Variants in CAMKMT observed in about 807,000 individuals in gnomAD.
CAMKMT encodes the protein CaM KMT.
A neutral mutation model predicts 48.0 loss-of-function variants in CAMKMT; 53 were observed. That is an observed-to-expected ratio of 1.10 (90% CI 0.89 to 1.39). The LOEUF is 1.39. CAMKMT is among the 40% of genes most tolerant of loss of function. CAMKMT has a pLI of 0.00. For missense variants in CAMKMT, 428 were observed against 402.7 expected (o/e 1.06, Z -0.54); for synonymous variants, 165 against 152.3 (o/e 1.08, Z -0.61).
intron 3 of CAMKMT, among the ~76,000 whole-genome samples, chr2:44,629,830 T>G (rs1027317632): frequency 3.4e-4 from 51 of 152,036 alleles, no homozygotes; most frequent in Non-Finnish European, 2.9e-4. Context: ...CCAAGGTAAT[T>G]TATAGATTCA....
At chr2:44,504,449 T>A (rs2603257) in intron 3 of CAMKMT, among the ~76,000 whole-genome samples, 107,942 of 151,490 alleles carry the variant, frequency 0.71, 38,593 homozygotes, top group Admixed American at 0.78. Flanking sequence ...TATGATTCCA[T>A]AAAAGTGAAT....
chr2:44,473,272 A>G (rs1668518366), intron 3 of CAMKMT, among the ~76,000 whole-genome samples: 2 of 152,250 alleles, frequency 1.3e-5, no homozygotes, highest in Non-Finnish European at 2.9e-5. Context: ...AAAAAATCAA[A>G]TAATTTATAA....
chr2:44,657,075 C>G lies in CAMKMT; in HGVS notation c.377-47208C>G, dbSNP rs1258290442. ...GTGTTTAACAGGTTGTTTCAGATAT[C>G]CTTCAGATATCTGAGGATACAGGCA... On this transcript the variant is annotated intron_variant, in intron 3 of 10. Transcript: ENST00000378494. The surrounding 1 kb of genome is among the most constrained non-coding windows in gnomAD (Gnocchi z 4.3). Among the ~76,000 whole-genome samples the G allele has an allele frequency of 6.6e-6, 1 of 152,164 alleles. No homozygotes were observed. The highest frequency in any genetic ancestry group is 2.4e-5 in the African/African-American group (1 of 41,434).
chr2:44,513,557 A>G (rs1045643878), intron 3 of CAMKMT, among the ~76,000 whole-genome samples: 2 of 152,162 alleles, frequency 1.3e-5, no homozygotes, highest in Non-Finnish European at 2.9e-5. Context: ...GAAACTTAAG[A>G]AAGATGTTTC....
rs575940502 is a variant in CAMKMT at position 44,457,538 on chromosome 2, A to G, written c.376+67233A>G. ...CTCAGCCTCCCGAGTAGCTGGGACTACAGGTGCGTGTCACCACGCCCGGCT... is the reference window on the plus strand; with the variant it reads ...CTCAGCCTCCCGAGTAGCTGGGACTGCAGGTGCGTGTCACCACGCCCGGCT... On this transcript the variant is annotated intron_variant, in intron 3 of 10. Coordinates refer to ENST00000378494, the MANE Select transcript of CAMKMT (RefSeq NM_024766.5). 8.9e-4 allele frequency among the ~76,000 whole-genome samples: 135 copies of G among 151,808 alleles called. 3 individuals carry two copies. In the South Asian group the frequency reaches 0.026, roughly 30 times the overall value.
At chr2:44,443,009 A>G (rs1666765843) in intron 3 of CAMKMT, among the ~76,000 whole-genome samples, 1 of 152,222 alleles carries the variant, frequency 6.6e-6, no homozygotes, top group Non-Finnish European at 1.5e-5. Flanking sequence ...TCTTCCCGGC[A>G]GCACGTTCTT....
At chr2:44,630,823 T>G (rs62132319) in intron 3 of CAMKMT, among the ~76,000 whole-genome samples, 91,557 of 149,460 alleles carry the variant, frequency 0.61, 28,683 homozygotes, top group Admixed American at 0.69. Flanking sequence ...TTCAACCATT[T>G]GGGAAGTCAG....
intron 3 of CAMKMT, among the ~76,000 whole-genome samples, chr2:44,682,653 G>A (rs1458437040): frequency 1.3e-5 from 2 of 152,148 alleles, no homozygotes; most frequent in Non-Finnish European, 1.5e-5. Flanking sequence ...GCAGACGACC[G>A]AGCTATCACA....
intron 3 of CAMKMT, among the ~76,000 whole-genome samples, chr2:44,676,090 T>C (rs928136563): frequency 6.6e-6 from 1 of 152,224 alleles, no homozygotes; most frequent in Non-Finnish European, 1.5e-5. Flanking sequence ...CATCCGCATA[T>C]AAATGGTGAA....
At chr2:44,389,192 G>C (rs1401483109) in intron 2 of CAMKMT, among the ~76,000 whole-genome samples, 1 of 152,064 alleles carries the variant, frequency 6.6e-6, no homozygotes, top group African/African-American at 2.4e-5. Context: ...TAGCTGCTGT[G>C]GGGGATGGGG....
chr2:44,603,903 C>T (rs1671139843), intron 3 of CAMKMT, among the ~76,000 whole-genome samples: 1 of 152,134 alleles, frequency 6.6e-6, no homozygotes, highest in African/African-American at 2.4e-5. Flanking sequence ...GACTGTTCTT[C>T]AGGAATTTAT....
intron 3 of CAMKMT, among the ~76,000 whole-genome samples, chr2:44,402,780 C>G (rs1425568496): frequency 9.7e-6 from 1 of 102,812 alleles, no homozygotes; most frequent in Non-Finnish European, 2.1e-5. Flanking sequence ...TACTTTTAAC[C>G]TTTCTGTTGA....
chr2:44,771,951 C>T (rs1037476242), intron 10 of CAMKMT, 85 bp from the exon 11 acceptor site: 14 of 921,054 alleles, frequency 1.5e-5, no homozygotes, highest in Non-Finnish European at 2.4e-5. Flanking sequence ...GTGTAAAAGT[C>T]ATCATGATAC....
rs553357110 is a variant in CAMKMT at position 44,567,732 on chromosome 2, C to G, written c.377-136551C>G. ...CTTCTGCAGTTATGTCTTGTCCTGT[C>G]ACGTCCTGCTAGCACAACTTTTGGC... On this transcript the variant is annotated intron_variant, in intron 3 of 10. Coordinates refer to ENST00000378494, the MANE Select transcript of CAMKMT (RefSeq NM_024766.5). 7.9e-5 allele frequency among the ~76,000 whole-genome samples: 12 copies of G among 152,244 alleles called. No homozygotes were observed. In the East Asian group the frequency reaches 1.9e-3, roughly 25 times the overall value.
At chr2:44,578,233 C>T (rs966392578) in intron 3 of CAMKMT, among the ~76,000 whole-genome samples, 1 of 152,054 alleles carries the variant, frequency 6.6e-6, no homozygotes, top group African/African-American at 2.4e-5. Context: ...TACACCGTAA[C>T]ATAAAGTACT....
intron 3 of CAMKMT, among the ~76,000 whole-genome samples, chr2:44,479,553 C>T (rs546275927): frequency 6.6e-6 from 1 of 152,314 alleles, no homozygotes; most frequent in African/African-American, 2.4e-5. Flanking sequence ...AAAGTGCCTA[C>T]ACATTCATCA....
intron 3 of CAMKMT, among the ~76,000 whole-genome samples, chr2:44,416,219 CAG>C (rs1298495732): frequency 6.6e-6 from 1 of 152,110 alleles, no homozygotes; most frequent in East Asian, 1.9e-4. Flanking sequence ...CATATCTTAA[CAG>C]AACAAGTATA....
Position 44,764,752 on chromosome 2 carries a change from C to T in CAMKMT, c.763-1678C>T, listed in dbSNP as rs76571662. ...CTACTGTACAGGTTGTTGAGAAGAT[C>T]GCTGAGGGGATTAAAGGAGGATTTG... On this transcript the variant is annotated intron_variant, in intron 9 of 10. Transcript: ENST00000378494. Among the ~76,000 whole-genome samples, 306 of 152,268 alleles carry T rather than the reference C, an allele frequency of 2.0e-3. 5 individuals carry two copies. In the East Asian group the frequency reaches 0.05, roughly 25 times the overall value.
intron 3 of CAMKMT, among the ~76,000 whole-genome samples, chr2:44,438,719 A>T (rs540459786): frequency 8.5e-5 from 13 of 152,100 alleles, no homozygotes; most frequent in Admixed American, 6.5e-4. Flanking sequence ...TTTTTTTGAG[A>T]TGGAGTCTCA....
Sources: gnomAD v4.1 joint callset for allele counts (sites outside exome capture counted in the v4.1 genomes callset) on GRCh38, gnomAD v4.1.1 for gene constraint, Gnocchi (gnomAD v3.1) non-coding constraint, MANE v1.5 for transcripts, NCBI Gene and HGNC (gene_info 2026-07-23, HGNC 2026-07-21) for gene names.